GALNT5: variants seen among roughly 807,000 people sequenced by gnomAD.
The protein encoded by GALNT5 is polypeptide N-acetylgalactosaminyltransferase 5, also known as UDP-GalNAc:polypeptide N-acetylgalactosaminyltransferase 5.
A neutral mutation model predicts 85.4 loss-of-function variants in GALNT5; 72 were observed. The observed-to-expected ratio is 0.84, with a 90% confidence interval of 0.70 to 1.03. The LOEUF is 1.03. GALNT5 is among the 50% of genes least tolerant of loss of function. The pLI, the probability that GALNT5 is intolerant of heterozygous loss-of-function variation, is 0.00. For missense variants in GALNT5, 1,137 were observed against 1,135.5 expected, an observed-to-expected ratio of 1.00 and a Z score of -0.02; for synonymous variants, 404 against 397.0, an observed-to-expected ratio of 1.02 and a Z score of -0.21.
chr2:157,258,755 G>A lies in GALNT5; in HGVS notation c.673G>A (p.Asp225Asn), dbSNP rs755049911. 1.9e-6 allele frequency: 3 copies of A among 1,612,348 alleles called. No individual in the cohort carries two copies. Among genetic ancestry groups the A allele is most frequent in the Non-Finnish European group, 2.5e-6 (3 of 1,178,780 alleles). Residue 225 changes from aspartate (D) to asparagine (N), a missense_variant, in exon 1 of 10, where the codon GAT (aspartate) becomes AAT (asparagine). Coordinates refer to ENST00000259056, the MANE Select transcript of GALNT5 (RefSeq NM_014568.3). ...DLNVTISLST[D>N]RPKQRSQAVA... The stretch of plus-strand genomic sequence containing the variant: ...GAATGTGACCATCAGTCTTAGTACT[G>A]ATAGACCAAAGCAGCGATCACAGGC...
chr2:157,308,115 T>C (rs1362273345), intron 8 of GALNT5, among the ~76,000 whole-genome samples: 2 of 152,218 alleles, frequency 1.3e-5, no homozygotes, highest in Admixed American at 6.5e-5. Context: ...TTTAGGGCTA[T>C]GACTGGTATC....
intron 1 of GALNT5, among the ~76,000 whole-genome samples, chr2:157,265,496 C>T (rs1682437827): frequency 6.6e-6 from 1 of 152,216 alleles, no homozygotes; most frequent in Non-Finnish European, 1.5e-5. Context: ...CCTGACTTTT[C>T]CTCCTAAATA....
intron 7 of GALNT5, 88 bp downstream of exon 7, chr2:157,301,087 A>G (rs984559127): frequency 3.3e-6 from 3 of 918,216 alleles, no homozygotes; most frequent in Non-Finnish European, 5.0e-6. Flanking sequence ...ATGAGTAATT[A>G]CATTATAAAT....
chr2:157,315,810 A>T lies in GALNT5; in HGVS notation c.*4462A>T, dbSNP rs527783481. ...GGTTCATTGTCTGATGCCAAGAAAGAATTCAGGACACAGACACACATGAGG... is the reference window on the plus strand; with the variant it reads ...GGTTCATTGTCTGATGCCAAGAAAGTATTCAGGACACAGACACACATGAGG... On this transcript the variant is annotated 3_prime_UTR_variant, in exon 10 of 10. Coordinates refer to ENST00000259056, the MANE Select transcript of GALNT5 (RefSeq NM_014568.3). 5.3e-5 allele frequency among the ~76,000 whole-genome samples: 8 copies of T among 152,208 alleles called. No homozygotes were observed. Among genetic ancestry groups the T allele is most frequent in the Non-Finnish European group, 8.8e-5 (6 of 68,036 alleles).
At chr2:157,302,206 G>T (rs200148091) in intron 7 of GALNT5, 1 of 152,172 alleles carries the variant, frequency 6.6e-6, no homozygotes, top group East Asian at 1.9e-4. Context: ...AATTTTTTCA[G>T]TTCTTCTTGA....
At position 157,308,728 on chromosome 2, in the gene GALNT5, G is replaced by A. The variant is rs1683507094; in HGVS notation, c.2682G>A (p.Leu894=). 6.2e-7 allele frequency: 1 copy of A among 1,607,020 alleles called. No homozygotes were observed. The highest frequency in any genetic ancestry group is 8.5e-7 in the Non-Finnish European group (1 of 1,177,624). Residue 894 remains leucine (L), a splice_region_variant and synonymous_variant, in exon 9 of 10, where the codon CTG becomes CTA. Transcript: ENST00000259056. ...HKSTSVFHPE[L]VNHIVFENNQ... ...CAACATCAGTCTTTCATCCAGAACT[G>A]GTAAGCAAAAGATTGGTACCTCTTC...
intron 3 of GALNT5, among the ~76,000 whole-genome samples, chr2:157,291,633 A>ACCCCCCCCCC (rs10650005): frequency 1.2e-4 from 14 of 117,060 alleles, no homozygotes; most frequent in African/African-American, 3.0e-4. Context: ...GTTACCACCC[A>ACCCCCCCCCC]CCCCCCCCCA....
At position 157,301,002 on chromosome 2, in the gene GALNT5, A is replaced by T; in HGVS notation, c.2439+3A>T. The T allele has an allele frequency of 1.2e-6, 2 of 1,601,992 alleles. No homozygotes were observed. The highest frequency in any genetic ancestry group is 8.5e-7 in the Non-Finnish European group (1 of 1,171,072). ...CCATTGTGAGAGCTAGTGGTGTGGT[A>T]AGTTCAAGTGGCAATTTAAAATCTT... is the stretch of plus-strand genomic sequence containing the variant. On this transcript the variant is annotated splice_donor_region_variant and intron_variant, in intron 7 of 9. Coordinates refer to ENST00000259056, the MANE Select transcript of GALNT5 (RefSeq NM_014568.3).
intron 2 of GALNT5, 31 bp downstream of exon 2, chr2:157,284,479 AT>A: frequency 1.3e-6 from 2 of 1,596,946 alleles, no homozygotes; most frequent in Non-Finnish European, 1.7e-6. Flanking sequence ...ATCTCTTGAA[AT>A]TTCAAAGTTT....
rs1325593461 is a variant in GALNT5, at chr2:157,300,995, G to A, written c.2435G>A (p.Gly812Asp). The change falls in exon 7 of 10, where the codon GGT becomes GAT. Residue 812 changes from glycine (G) to aspartate (D), a missense_variant. By Grantham distance (94) the Gly-to-Asp change is moderately conservative (BLOSUM62 -1). Coordinates refer to ENST00000259056, the MANE Select transcript of GALNT5 (RefSeq NM_014568.3). ...DLRAPIVRAS[G>D]VLINVALGKC... ...AGGGCTCCCATTGTGAGAGCTAGTGGTGTGGTAAGTTCAAGTGGCAATTTA... is the reference window on the plus strand; with the variant it reads ...AGGGCTCCCATTGTGAGAGCTAGTGATGTGGTAAGTTCAAGTGGCAATTTA... The A allele has an allele frequency of 2.5e-6, 4 of 1,607,878 alleles. No individual in the cohort carries two copies. Among genetic ancestry groups the A allele is most frequent in the Non-Finnish European group, 2.6e-6 (3 of 1,175,306 alleles).
At chr2:157,263,668 C>T (rs1329709463) in intron 1 of GALNT5, among the ~76,000 whole-genome samples, 3 of 152,190 alleles carry the variant, frequency 2.0e-5, no homozygotes, top group African/African-American at 7.2e-5. Flanking sequence ...AACAGGTTTA[C>T]ACAGTATGAA....
chr2:157,260,091 T>C (rs1574008376), intron 1 of GALNT5, among the ~76,000 whole-genome samples: 1 of 152,338 alleles, frequency 6.6e-6, no homozygotes, highest in East Asian at 1.9e-4. Flanking sequence ...TAGGTGGAGA[T>C]GGTAGATATT....
At chr2:157,309,201 G>A (rs1330578628) in intron 9 of GALNT5, among the ~76,000 whole-genome samples, 1 of 152,192 alleles carries the variant, frequency 6.6e-6, no homozygotes, top group Admixed American at 6.5e-5. Flanking sequence ...AGAAACCGGG[G>A]CTTCTAAGGG....
At position 157,259,179 on chromosome 2, in the gene GALNT5, T is replaced by C. The variant is rs762919786; in HGVS notation, c.1097T>C (p.Met366Thr). The change falls in exon 1 of 10, where the codon ATG becomes ACG. Residue 366 changes from methionine (M) to threonine (T), a missense_variant. Transcript: ENST00000259056. ...SKHISRNRSEMSSSSLAPHRV... is the reference protein window; with the variant it reads ...SKHISRNRSETSSSSLAPHRV... Reference sequence around the variant, plus strand: ...CACATTTCCAGGAATAGAAGTGAGATGTCTTCCTCTTCACTTGCTCCACAT... The same window carrying C: ...CACATTTCCAGGAATAGAAGTGAGACGTCTTCCTCTTCACTTGCTCCACAT... The C allele has an allele frequency of 2.0e-6, 3 of 1,534,612 alleles. No individual in the cohort carries two copies. Among genetic ancestry groups the C allele is most frequent in the Middle Eastern group, 1.7e-4 (1 of 5,724 alleles).
chr2:157,296,678 T>C (rs1683220821), intron 5 of GALNT5, among the ~76,000 whole-genome samples, 165 bp downstream of exon 5: 1 of 152,116 alleles, frequency 6.6e-6, no homozygotes. Flanking sequence ...AGAAATTCGT[T>C]CCCAAAACTC....
intron 1 of GALNT5, among the ~76,000 whole-genome samples, chr2:157,275,003 T>G (rs1457664868): frequency 2.0e-5 from 3 of 152,268 alleles, no homozygotes; most frequent in Admixed American, 6.5e-5. Flanking sequence ...GAATTAATTT[T>G]TGTATAAAGT....
In GALNT5 at chr2:157,300,743, A is replaced by G. The variant is rs1167824086; in HGVS notation, c.2183A>G (p.Asp728Gly). 3 of 1,614,096 alleles carry G rather than the reference A, an allele frequency of 1.9e-6. No individual in the cohort carries two copies. The South Asian group carries it at 3.3e-5, about 18-fold the overall frequency. The change falls in exon 7 of 10, where the codon GAC becomes GGC. Residue 728 changes from aspartate to glycine, a missense_variant. Asp to Gly is a moderately conservative substitution (Grantham distance 94, BLOSUM62 -1). Transcript: ENST00000259056. The stretch of plus-strand genomic sequence containing the variant: ...CGAGTGGGCCATATATTCAGAAATG[A>G]CAATCCATATTCCTTCCCCAAAGAC... ...CSRVGHIFRN[D>G]NPYSFPKDRM... is the part of the protein sequence containing the mutation.
intron 1 of GALNT5, among the ~76,000 whole-genome samples, chr2:157,279,880 A>C (rs1230996115): frequency 6.6e-6 from 1 of 152,228 alleles, no homozygotes; most frequent in East Asian, 1.9e-4. Flanking sequence ...GGAAATGCAG[A>C]AATAACCCGT....
At chr2:157,288,058 C>A (rs911483421) in intron 3 of GALNT5, among the ~76,000 whole-genome samples, 33 of 152,198 alleles carry the variant, frequency 2.2e-4, no homozygotes, top group African/African-American at 7.5e-4. Context: ...TTATCAACTA[C>A]ACCTTGAGGC....
Sources: gnomAD v4.1 joint callset for allele counts (sites outside exome capture counted in the v4.1 genomes callset) on GRCh38, gnomAD v4.1.1 for gene constraint, MANE v1.5 for transcripts, NCBI Gene and HGNC (gene_info 2026-07-23, HGNC 2026-07-21) for gene names.